The following FANCD2OS variants were observed in gnomAD, a reference collection of about 807,000 sequenced individuals.
FANCD2OS encodes the protein FANCD2 opposite strand.
Under a neutral mutation model 13.2 loss-of-function variants are expected in FANCD2OS, and 11 were observed. The observed-to-expected ratio is 0.83, with a 90% CI of 0.52 to 1.38. FANCD2OS has a LOEUF of 1.38. Among genes scored for constraint, FANCD2OS ranks in the 40% most tolerant of loss-of-function variants. The pLI is 0.00. For missense variants in FANCD2OS, 217 were observed against 213.9 expected (o/e 1.01, Z -0.09); for synonymous variants, 69 against 84.5 (o/e 0.82, Z 1.01).
rs565986489 is a variant in FANCD2OS at position 10,095,397 on chromosome 3, A to G, written c.*43+8801T>C. On this transcript the variant is annotated intron_variant, in intron 2 of 2. Coordinates refer to the FANCD2OS transcript ENST00000524279. ...TCTGGGACTGTGTCTGTCCAAAGGC[A>G]GTTTATTCAGAGCAAATCCTTAGTT... 48 of 816,600 alleles carry G rather than the reference A, an allele frequency of 5.9e-5. No individual in the cohort carries two copies. The East Asian group carries it at 1.3e-3, about 21-fold the overall frequency. The allele number at this position is 816,600 out of a possible 1,614,324, so 50.6% of individuals were successfully genotyped here.
intron 2 of FANCD2OS, among the ~76,000 whole-genome samples, chr3:10,095,655 C>T (rs1304484859): frequency 6.6e-6 from 1 of 152,200 alleles, no homozygotes; most frequent in Non-Finnish European, 1.5e-5. Flanking sequence ...ATCTGTGCCA[C>T]TTACTTTCAA....
chr3:10,101,606 ATC>A, downstream of FANCD2OS: 1 of 366,204 alleles, frequency 2.7e-6, no homozygotes, highest in South Asian at 2.8e-5. Context: ...GATGGTCTCA[ATC>A]TCCTGAACTC....
chr3:10,091,181 G>A (rs994927798), intron 2 of FANCD2OS, among the ~76,000 whole-genome samples: 2 of 146,408 alleles, frequency 1.4e-5, no homozygotes, highest in African/African-American at 5.0e-5. Flanking sequence ...TCTGGGCTCA[G>A]ATGATCCTCC....
At chr3:10,082,324 C>A (rs762620814) in intron 2 of FANCD2OS, among the ~76,000 whole-genome samples, 4 of 152,192 alleles carry the variant, frequency 2.6e-5, no homozygotes, top group Non-Finnish European at 5.9e-5. Flanking sequence ...TGTTTCTCCA[C>A]TGCTTCCAGA....
At chr3:10,098,650 C>T (rs1255910531), downstream of FANCD2OS, 2 of 1,574,256 alleles carry the variant, frequency 1.3e-6, no homozygotes, top group African/African-American at 2.7e-5. Context: ...CCTGTAAACT[C>T]AACCTTCTCC....
chr3:10,101,106 G>T, downstream of FANCD2OS: 3 of 1,020,356 alleles, frequency 2.9e-6, no homozygotes, highest in Non-Finnish European at 4.6e-6. Context: ...TAGTACAGTT[G>T]TGTATCCTCT....
intron 2 of FANCD2OS, among the ~76,000 whole-genome samples, chr3:10,097,419 C>G (rs538998482): frequency 6.6e-6 from 1 of 152,176 alleles, no homozygotes; most frequent in Non-Finnish European, 1.5e-5. Flanking sequence ...AGTTCAGAGA[C>G]CTACCCCTAG....
chr3:10,082,470 T>C (rs1420709448), intron 2 of FANCD2OS, among the ~76,000 whole-genome samples: 3 of 152,190 alleles, frequency 2.0e-5, no homozygotes, highest in Non-Finnish European at 4.4e-5. Flanking sequence ...TTCTGATTGC[T>C]CTTAGATTTT....
intron 2 of FANCD2OS, chr3:10,096,329 C>G: frequency 6.2e-7 from 1 of 1,614,008 alleles, no homozygotes; most frequent in Non-Finnish European, 8.5e-7. Context: ...CATTCAGATT[C>G]ACCAGGACAC....
chr3:10,087,068 G>A, intron 2 of FANCD2OS: 1 of 1,579,546 alleles, frequency 6.3e-7, no homozygotes, highest in Non-Finnish European at 8.7e-7. Flanking sequence ...ACGTCATGTG[G>A]ATTTAAATAT....
intron 2 of FANCD2OS, chr3:10,086,071 C>G: frequency 1.5e-6 from 1 of 673,136 alleles, no homozygotes; most frequent in Non-Finnish European, 2.8e-6. Context: ...GCTTTCTCAT[C>G]TATGTATTCT....
chr3:10,105,766 A>T (rs1348687711), intron 1 of FANCD2OS, among the ~76,000 whole-genome samples: 614 of 58,642 alleles, frequency 0.01, 46 homozygotes, highest in African/African-American at 0.049. Context: ...AAAAAAAAAA[A>T]AAAAATTATA....
intron 2 of FANCD2OS, chr3:10,094,318 G>A (rs1694824466): frequency 6.2e-7 from 1 of 1,614,082 alleles, no homozygotes; most frequent in Non-Finnish European, 8.5e-7. Context: ...AAGCATTTCT[G>A]AAGCAATGTA....
At chr3:10,091,672 A>C (rs1296760262) in intron 2 of FANCD2OS, among the ~76,000 whole-genome samples, 1 of 151,384 alleles carries the variant, frequency 6.6e-6, no homozygotes, top group Admixed American at 6.6e-5. Context: ...CCCATTCCTC[A>C]CCTCTAACTA....
At chr3:10,082,528 C>T (rs1439020046) in intron 2 of FANCD2OS, among the ~76,000 whole-genome samples, 1 of 152,154 alleles carries the variant, frequency 6.6e-6, no homozygotes, top group Non-Finnish European at 1.5e-5. Flanking sequence ...TCTTCTGACT[C>T]CTGCTATTCC....
downstream of FANCD2OS, among the ~76,000 whole-genome samples, chr3:10,100,321 C>G (rs770047071): frequency 1.3e-5 from 2 of 152,222 alleles, no homozygotes. Flanking sequence ...ATACTAGTAT[C>G]GTAAGCCAGA....
At chr3:10,085,349 G>A (rs1694118205) in intron 2 of FANCD2OS, among the ~76,000 whole-genome samples, 2 of 150,844 alleles carry the variant, frequency 1.3e-5, no homozygotes, top group Admixed American at 6.6e-5. Flanking sequence ...GATTGAATTT[G>A]GTACTTCAGT....
chr3:10,081,671 T>C (rs1693846770), intron 2 of FANCD2OS: 1 of 600,524 alleles, frequency 1.7e-6, no homozygotes, highest in Admixed American at 2.7e-5. Flanking sequence ...GTTAACCCAT[T>C]TGACAGATTA....
At chr3:10,094,237 C>T in intron 2 of FANCD2OS, 1 of 1,363,538 alleles carries the variant, frequency 7.3e-7, no homozygotes, top group East Asian at 2.3e-5. Flanking sequence ...GCCTCAGGGG[C>T]CTTTCAGTGA....
Sources: gnomAD v4.1 joint callset for allele counts (sites outside exome capture counted in the v4.1 genomes callset) on GRCh38, gnomAD v4.1.1 for gene constraint, MANE v1.5 for transcripts, NCBI Gene and HGNC (gene_info 2026-07-23, HGNC 2026-07-21) for gene names.